NKAIN2: variants seen among roughly 807,000 people sequenced by gnomAD.
NKAIN2 encodes sodium/potassium-transporting ATPase subunit beta-1-interacting protein 2.
NKAIN2 carries 14 observed loss-of-function variants against 32.6 expected under a neutral mutation model. The ratio of observed to expected loss-of-function variants is 0.43; its 90% CI spans 0.28 to 0.67. The LOEUF is 0.67. Among genes scored for constraint, NKAIN2 ranks in the 30% least tolerant of loss-of-function variants. The pLI is 0.17. For synonymous variants in NKAIN2, 80 were observed against 87.2 expected (o/e 0.92, Z 0.46); for missense variants, 198 against 258.3 (o/e 0.77, Z 1.60).
chr6:124,481,062 C>T (rs1777426804), intron 3 of NKAIN2, among the ~76,000 whole-genome samples: 2 of 151,980 alleles, frequency 1.3e-5, no homozygotes, highest in African/African-American at 4.8e-5. Flanking sequence ...ATGCACTGTT[C>T]CATCTTACAT....
At chr6:123,917,429 G>A (rs1775552074) in intron 1 of NKAIN2, among the ~76,000 whole-genome samples, 1 of 152,134 alleles carries the variant, frequency 6.6e-6, no homozygotes, top group South Asian at 2.1e-4. Context: ...CACAGAATGT[G>A]TACGTTTAGG....
Position 124,823,387 on chromosome 6 carries a change from CA to C in NKAIN2, c.*159del. ...CCTCTACATACAACACTGACACACA[CA>C]CACACACACACGTGAGCACGCACAC... On this transcript the variant is annotated 3_prime_UTR_variant, in exon 7 of 7. Transcript: ENST00000368417. 1.5e-6 allele frequency: 1 copy of C among 661,264 alleles called. No individual in the cohort carries two copies. The highest frequency in any genetic ancestry group is 2.7e-6 in the Non-Finnish European group (1 of 366,040). The allele number at this position is 661,264 out of a possible 1,614,324, so 41.0% of individuals were successfully genotyped here.
chr6:124,721,677 C>T (rs948016917), intron 4 of NKAIN2, among the ~76,000 whole-genome samples: 4 of 152,064 alleles, frequency 2.6e-5, no homozygotes, highest in Non-Finnish European at 5.9e-5. Flanking sequence ...TATCTTTGTC[C>T]ACCTTCAAAC....
intron 1 of NKAIN2, among the ~76,000 whole-genome samples, chr6:124,250,433 G>A (rs1363686824): frequency 6.6e-6 from 1 of 151,658 alleles, no homozygotes; most frequent in Non-Finnish European, 1.5e-5. Flanking sequence ...AAATACAAAG[G>A]GAAGATTTTT....
chr6:124,721,026 C>T (rs1448012015), intron 4 of NKAIN2, among the ~76,000 whole-genome samples: 1 of 152,212 alleles, frequency 6.6e-6, no homozygotes, highest in East Asian at 1.9e-4. Flanking sequence ...ACCTCTTTTA[C>T]ATTTGGCATT....
chr6:124,386,045 T>C (rs1772885083), intron 3 of NKAIN2, among the ~76,000 whole-genome samples: 1 of 152,088 alleles, frequency 6.6e-6, no homozygotes, highest in African/African-American at 2.4e-5. Context: ...TTTTACATTA[T>C]TAATTGAAGA....
At chr6:124,286,525 T>G (rs533088875) in intron 2 of NKAIN2, among the ~76,000 whole-genome samples, 1 of 152,124 alleles carries the variant, frequency 6.6e-6, no homozygotes, top group Non-Finnish European at 1.5e-5. Flanking sequence ...TCTGTTCTCA[T>G]AGTTGTTAAT....
intron 4 of NKAIN2, among the ~76,000 whole-genome samples, chr6:124,678,760 G>A (rs192223004): frequency 2.0e-5 from 3 of 152,124 alleles, no homozygotes; most frequent in African/African-American, 7.2e-5. Context: ...GTTTCTTCAT[G>A]TGCCTTGTAA....
At chr6:123,823,631 G>T (rs897208676) in intron 1 of NKAIN2, among the ~76,000 whole-genome samples, 2 of 152,170 alleles carry the variant, frequency 1.3e-5, no homozygotes, top group African/African-American at 4.8e-5. Flanking sequence ...CAACAAGTGG[G>T]AAGCAAGAAG....
chr6:123,998,810 C>CATATATAT (rs142017827), intron 1 of NKAIN2, among the ~76,000 whole-genome samples: 12 of 127,736 alleles, frequency 9.4e-5, no homozygotes, highest in African/African-American at 3.4e-4. Context: ...ATGGTATATA[C>CATATATAT]ATATATATAT....
intron 5 of NKAIN2, among the ~76,000 whole-genome samples, chr6:124,801,002 GCA>G (rs1428378700): frequency 1.3e-5 from 2 of 152,176 alleles, no homozygotes; most frequent in African/African-American, 4.8e-5. Flanking sequence ...GCAAAGGGAA[GCA>G]CACAGTCACA....
intron 3 of NKAIN2, among the ~76,000 whole-genome samples, chr6:124,436,321 T>C (rs1775442366): frequency 6.6e-6 from 1 of 152,158 alleles, no homozygotes; most frequent in Non-Finnish European, 1.5e-5. Flanking sequence ...CCTCTAAGCA[T>C]GAAGTAAGAT....
At chr6:124,326,608 C>A (rs1797425851) in intron 2 of NKAIN2, among the ~76,000 whole-genome samples, 1 of 152,138 alleles carries the variant, frequency 6.6e-6, no homozygotes. Flanking sequence ...TATTTACTCA[C>A]CCTTACCTCC....
At chr6:124,437,572 C>G (rs1461670938) in intron 3 of NKAIN2, among the ~76,000 whole-genome samples, 2 of 151,738 alleles carry the variant, frequency 1.3e-5, no homozygotes, top group Non-Finnish European at 2.9e-5. Flanking sequence ...TCTTTTCTAC[C>G]TATCTCATTC....
intron 4 of NKAIN2, among the ~76,000 whole-genome samples, chr6:124,749,569 G>A (rs946792904): frequency 4.6e-5 from 7 of 151,932 alleles, no homozygotes; most frequent in African/African-American, 1.7e-4. Flanking sequence ...GGCTCTAAGA[G>A]ATTTTATGGT....
chr6:124,344,270 C>T (rs1428799545), intron 2 of NKAIN2, among the ~76,000 whole-genome samples: 1 of 152,078 alleles, frequency 6.6e-6, no homozygotes, highest in African/African-American at 2.4e-5. Flanking sequence ...TAGCGTGATG[C>T]CTCCAGCTTT....
At chr6:124,690,817 CTTCTG>C (rs1774221139) in intron 4 of NKAIN2, among the ~76,000 whole-genome samples, 1 of 152,204 alleles carries the variant, frequency 6.6e-6, no homozygotes, top group Admixed American at 6.5e-5. Flanking sequence ...CTTCCTCTCT[CTTCTG>C]TTCTGTTGTT....
chr6:124,790,740 C>T (rs1025271904), intron 4 of NKAIN2, among the ~76,000 whole-genome samples: 1 of 151,974 alleles, frequency 6.6e-6, no homozygotes, highest in Non-Finnish European at 1.5e-5. Context: ...AAAGACGATG[C>T]GACGTGTGTA....
rs73575528 is a variant in NKAIN2, at chr6:124,655,615, C to T, written c.274-2571C>T. Among the ~76,000 whole-genome samples the T allele has an allele frequency of 9.9e-3, 1,508 of 152,062 alleles. 30 individuals carry two copies. Among genetic ancestry groups the T allele is most frequent in the African/African-American group, 0.034 (1,411 of 41,474 alleles). ...TTCATTGCAAAATTCATGACAGTCC[C>T]GGGCATAATGGGATAGTTACCTATC... On this transcript the variant is annotated intron_variant, in intron 3 of 6. Coordinates refer to ENST00000368417, the MANE Select transcript of NKAIN2 (RefSeq NM_001040214.3).
Sources: allele counts gnomAD v4.1 joint callset (sites outside exome capture counted in the v4.1 genomes callset), GRCh38; gene constraint gnomAD v4.1.1; transcripts MANE v1.5; gene names NCBI Gene and HGNC (gene_info 2026-07-23, HGNC 2026-07-21).